ARPP21: variants seen among roughly 807,000 people sequenced by gnomAD.
ARPP21 encodes the protein cAMP regulated phosphoprotein 21, also known as cAMP-regulated phosphoprotein 21.
In ARPP21, 69 loss-of-function variants were observed where a neutral mutation model predicts 113.2. The observed-to-expected ratio is 0.61, with a 90% CI of 0.50 to 0.74. ARPP21 has a LOEUF of 0.74. ARPP21 is among the 30% of genes least tolerant of loss of function. ARPP21 has a pLI of 0.00. For synonymous variants in ARPP21, 368 were observed against 375.5 expected, an observed-to-expected ratio of 0.98 and a Z score of 0.23; for missense variants, 1,070 against 1,037.4, an observed-to-expected ratio of 1.03 and a Z score of -0.43.
intron 17 of ARPP21, among the ~76,000 whole-genome samples, 173 bp from the exon 18 acceptor site, chr3:35,739,144 G>A (rs768762563): frequency 4.6e-5 from 7 of 152,190 alleles, no homozygotes; most frequent in Non-Finnish European, 4.4e-5. Context: ...GATTTGTCAT[G>A]TTGTGTTCTC....
chr3:35,703,472 A>G (rs2149902348), intron 9 of ARPP21, among the ~76,000 whole-genome samples: 1 of 152,086 alleles, frequency 6.6e-6, no homozygotes, highest in Non-Finnish European at 1.5e-5. Flanking sequence ...CTATACATGA[A>G]CAATGAGTTT....
intron 19 of ARPP21, among the ~76,000 whole-genome samples, chr3:35,761,542 G>T (rs556386773): frequency 6.6e-6 from 1 of 151,980 alleles, no homozygotes. Flanking sequence ...TGTCAGCAAA[G>T]TTTGTGCTTT....
chr3:35,769,031 T>C (rs984819239), intron 19 of ARPP21, among the ~76,000 whole-genome samples: 1 of 152,172 alleles, frequency 6.6e-6, no homozygotes, highest in Admixed American at 6.6e-5. Flanking sequence ...GAAATTTCTT[T>C]CTCTCTCTTC....
At chr3:35,784,428 T>G (rs2096588809) in intron 19 of ARPP21, among the ~76,000 whole-genome samples, 1 of 152,210 alleles carries the variant, frequency 6.6e-6, no homozygotes, top group African/African-American at 2.4e-5. Flanking sequence ...CTTTTGTTTT[T>G]CAGAGAGACA....
chr3:35,650,078 C>A (rs1038799446), intron 1 of ARPP21: 1 of 152,094 alleles, frequency 6.6e-6, no homozygotes, highest in African/African-American at 2.4e-5. Flanking sequence ...AACACGTTAT[C>A]TTCTCTGAGA....
chr3:35,681,271 G>A (rs370865872), intron 2 of ARPP21: 22 of 153,826 alleles, frequency 1.4e-4, no homozygotes, highest in African/African-American at 5.3e-4. Context: ...ACCTAGGGAA[G>A]CATGTCTATG....
intron 9 of ARPP21, among the ~76,000 whole-genome samples, chr3:35,701,467 G>A (rs572279018): frequency 2.0e-5 from 3 of 151,622 alleles, no homozygotes; most frequent in South Asian, 2.1e-4. Flanking sequence ...AGGTGCTGTC[G>A]CCAACACCAT....
intron 18 of ARPP21, among the ~76,000 whole-genome samples, 185 bp from the exon 19 acceptor site, chr3:35,743,654 G>C (rs1426451354): frequency 6.6e-6 from 1 of 152,226 alleles, no homozygotes; most frequent in African/African-American, 2.4e-5. Context: ...TCAGATTTAA[G>C]TTTGGGAAAT....
At chr3:35,659,034 T>C (rs889021014) in intron 1 of ARPP21, among the ~76,000 whole-genome samples, 1 of 152,216 alleles carries the variant, frequency 6.6e-6, no homozygotes, top group Non-Finnish European at 1.5e-5. Context: ...TCACAGATAA[T>C]GTTTGGATTT....
intron 19 of ARPP21, among the ~76,000 whole-genome samples, chr3:35,773,819 A>G (rs1367481220): frequency 6.6e-6 from 1 of 152,154 alleles, no homozygotes; most frequent in Non-Finnish European, 1.5e-5. Flanking sequence ...TTAATAATAA[A>G]ACTAATTATT....
chr3:35,669,896 G>C (rs1036742015), intron 1 of ARPP21, among the ~76,000 whole-genome samples: 4 of 152,098 alleles, frequency 2.6e-5, no homozygotes, highest in Non-Finnish European at 5.9e-5. Context: ...GGACTCCCCA[G>C]GGAGTTTCTG....
intron 1 of ARPP21, among the ~76,000 whole-genome samples, chr3:35,666,320 G>A (rs1366567417): frequency 6.6e-6 from 1 of 152,032 alleles, no homozygotes; most frequent in Non-Finnish European, 1.5e-5. Context: ...CCAATCAGTG[G>A]CTCCACACAA....
At chr3:35,687,679 T>C (rs2081033620) in intron 5 of ARPP21, 60 bp from the exon 6 acceptor site, 2 of 1,491,796 alleles carry the variant, frequency 1.3e-6, no homozygotes, top group Non-Finnish European at 1.8e-6. Context: ...CTATGCAAAA[T>C]GGGAGCCAGA....
intron 9 of ARPP21, among the ~76,000 whole-genome samples, chr3:35,703,192 T>G (rs758764230): frequency 8.6e-5 from 13 of 151,878 alleles, no homozygotes; most frequent in Non-Finnish European, 1.9e-4. Flanking sequence ...AGAACCTGAC[T>G]GTAAGGTAAA....
At chr3:35,653,199 C>T (rs888139581) in intron 1 of ARPP21, among the ~76,000 whole-genome samples, 21 of 152,036 alleles carry the variant, frequency 1.4e-4, no homozygotes, top group African/African-American at 4.8e-4. Context: ...TACCTATCTA[C>T]TTTTTGGCTG....
intron 9 of ARPP21, among the ~76,000 whole-genome samples, chr3:35,693,570 T>G (rs1333095368): frequency 6.6e-6 from 1 of 151,744 alleles, no homozygotes; most frequent in Non-Finnish European, 1.5e-5. Flanking sequence ...AAAGAAGTGT[T>G]GTTTTGTGGA....
At chr3:35,784,957 G>T (rs2096599353) in intron 19 of ARPP21, 1 of 152,010 alleles carries the variant, frequency 6.6e-6, no homozygotes, top group South Asian at 2.1e-4. Flanking sequence ...CCATGCAACA[G>T]TGACAGTAAT....
At chr3:35,736,885 G>A (rs1476294335) in intron 15 of ARPP21, among the ~76,000 whole-genome samples, 1 of 152,178 alleles carries the variant, frequency 6.6e-6, no homozygotes, top group Non-Finnish European at 1.5e-5. Context: ...TTCTCCACAG[G>A]TCTCTCTACT....
rs145393241 is a variant in ARPP21, at chr3:35,671,001, A to G, written c.-212-8786A>G. Among the ~76,000 whole-genome samples the G allele has an allele frequency of 1.8e-3, 279 of 152,272 alleles. 1 individual carries two copies. The Middle Eastern group carries it at 0.024, about 13-fold the overall frequency. ...CCCAAACACAAGTCAAATCCTTGAC[A>G]GCTTAGAAATAAAGGCTTTGAGACA... On this transcript the variant is annotated intron_variant, in intron 1 of 20. Transcript: ENST00000684406.
Sources: allele counts gnomAD v4.1 joint callset (sites outside exome capture counted in the v4.1 genomes callset), GRCh38; gene constraint gnomAD v4.1.1; transcripts MANE v1.5; gene names NCBI Gene and HGNC (gene_info 2026-07-23, HGNC 2026-07-21).